The following SCMH1 variants were observed in gnomAD, a reference collection of about 807,000 sequenced individuals.
SCMH1 encodes Scm polycomb group protein homolog 1.
Under a neutral mutation model 70.8 loss-of-function variants are expected in SCMH1, and 37 were observed. The ratio of observed to expected loss-of-function variants is 0.52; its 90% CI spans 0.40 to 0.69. SCMH1 has a LOEUF of 0.69. SCMH1 is among the 30% of genes least tolerant of loss of function. SCMH1 has a pLI of 0.00. For missense variants in SCMH1, 607 were observed against 827.3 expected (o/e 0.73, Z 3.27); for synonymous variants, 292 against 307.4 (o/e 0.95, Z 0.52).
At chr1:41,169,903 G>A (rs1418689267) in intron 2 of SCMH1, among the ~76,000 whole-genome samples, 1 of 151,938 alleles carries the variant, frequency 6.6e-6, no homozygotes, top group African/African-American at 2.4e-5. Flanking sequence ...TAGACCCTCG[G>A]TGGAAGCTGT....
At chr1:41,047,967 G>T (rs777231808) in intron 11 of SCMH1, among the ~76,000 whole-genome samples, 5 of 152,262 alleles carry the variant, frequency 3.3e-5, no homozygotes, top group South Asian at 4.1e-4. Flanking sequence ...ATACAGTCTG[G>T]TTATTTATGG....
intron 1 of SCMH1, among the ~76,000 whole-genome samples, chr1:41,203,461 A>G (rs1654815214): frequency 1.3e-5 from 2 of 152,240 alleles, no homozygotes; most frequent in African/African-American, 4.8e-5. Flanking sequence ...TCTATTAAGT[A>G]CTTATTATGT....
intron 8 of SCMH1, among the ~76,000 whole-genome samples, chr1:41,084,234 A>G (rs1330327558): frequency 6.6e-6 from 1 of 152,218 alleles, no homozygotes; most frequent in Non-Finnish European, 1.5e-5. Context: ...TCATCTGACA[A>G]AGGGCTAATA....
intron 2 of SCMH1, among the ~76,000 whole-genome samples, chr1:41,167,304 T>C (rs1646472326): frequency 6.6e-6 from 1 of 152,142 alleles, no homozygotes; most frequent in Non-Finnish European, 1.5e-5. Flanking sequence ...CTTCTTACCA[T>C]TCAGATGAAG....
intron 2 of SCMH1, among the ~76,000 whole-genome samples, chr1:41,179,555 A>G (rs1318144651): frequency 2.6e-5 from 4 of 152,236 alleles, no homozygotes; most frequent in African/African-American, 9.6e-5. Flanking sequence ...CTGCAGAAAC[A>G]CAAACTACCA....
At chr1:41,036,353 C>T (rs948145041) in intron 13 of SCMH1, among the ~76,000 whole-genome samples, 1 of 152,352 alleles carries the variant, frequency 6.6e-6, no homozygotes, top group South Asian at 2.1e-4. Context: ...GATGGCACCA[C>T]CATCTATCTG....
At chr1:41,189,940 C>T (rs565587141) in intron 1 of SCMH1, among the ~76,000 whole-genome samples, 1 of 152,322 alleles carries the variant, frequency 6.6e-6, no homozygotes, top group Admixed American at 6.5e-5. Context: ...CTGGCTCATG[C>T]TTCTTGAACA....
chr1:41,184,318 A>G (rs1649602513), intron 2 of SCMH1, among the ~76,000 whole-genome samples: 1 of 152,192 alleles, frequency 6.6e-6, no homozygotes, highest in Non-Finnish European at 1.5e-5. Flanking sequence ...GTAGGGCTCA[A>G]TAAGTTAAAC....
chr1:41,221,935 A>G (rs1449422176), intron 1 of SCMH1, among the ~76,000 whole-genome samples: 1 of 147,664 alleles, frequency 6.8e-6, no homozygotes, highest in African/African-American at 2.5e-5. Flanking sequence ...TAGGAAACAA[A>G]GGACTGGAGA....
intron 1 of SCMH1, among the ~76,000 whole-genome samples, chr1:41,190,923 G>A (rs1181886315): frequency 6.6e-6 from 1 of 152,188 alleles, no homozygotes; most frequent in Non-Finnish European, 1.5e-5. Context: ...TGCTCAGGCT[G>A]GAGTACAGTG....
chr1:41,095,442 G>A (rs1664809283), intron 8 of SCMH1, among the ~76,000 whole-genome samples: 1 of 152,154 alleles, frequency 6.6e-6, no homozygotes, highest in African/African-American at 2.4e-5. Flanking sequence ...CCAAGTGACA[G>A]CACACGTATT....
chr1:41,161,339 C>T, intron 3 of SCMH1, 25 bp downstream of exon 3: 1 of 1,547,028 alleles, frequency 6.5e-7, no homozygotes. Context: ...TTTTTCCACA[C>T]CAAACGGAGT....
intron 6 of SCMH1, among the ~76,000 whole-genome samples, chr1:41,123,273 C>A (rs113683947): frequency 7.9e-5 from 12 of 152,304 alleles, no homozygotes; most frequent in Admixed American, 2.0e-4. Context: ...TAATCATAGT[C>A]CATGCCCTCT....
intron 2 of SCMH1, among the ~76,000 whole-genome samples, chr1:41,182,055 T>C (rs570142251): frequency 1.3e-5 from 2 of 152,300 alleles, no homozygotes; most frequent in South Asian, 2.1e-4. Flanking sequence ...TGTAGGGACA[T>C]GGATGAAGCT....
At chr1:41,102,724 T>C (rs1380130700) in intron 8 of SCMH1, among the ~76,000 whole-genome samples, 3 of 152,174 alleles carry the variant, frequency 2.0e-5, no homozygotes, top group African/African-American at 7.2e-5. Context: ...GGGCAGTAGG[T>C]AAGATGATTC....
intron 2 of SCMH1, among the ~76,000 whole-genome samples, chr1:41,164,089 T>C (rs1646252713): frequency 6.6e-6 from 1 of 152,146 alleles, no homozygotes; most frequent in Non-Finnish European, 1.5e-5. Context: ...TCAGACTCCA[T>C]GGTCCCTCAT....
chr1:41,240,184 A>T (rs1663228076), intron 1 of SCMH1, among the ~76,000 whole-genome samples: 1 of 152,368 alleles, frequency 6.6e-6, no homozygotes, highest in East Asian at 1.9e-4. Context: ...TGACCAATTT[A>T]AAAAATGAAG....
chr1:41,223,397 T>TA (rs1243092045), intron 1 of SCMH1, among the ~76,000 whole-genome samples: 4 of 152,232 alleles, frequency 2.6e-5, no homozygotes, highest in Non-Finnish European at 5.9e-5. Flanking sequence ...TGACAATAAA[T>TA]ATGTGGTACT....
chr1:41,223,136 G>A (rs1048031477), intron 1 of SCMH1, among the ~76,000 whole-genome samples: 1 of 152,150 alleles, frequency 6.6e-6, no homozygotes, highest in African/African-American at 2.4e-5. Context: ...AGAGATTACT[G>A]CATATTCTAT....
Sources: allele counts gnomAD v4.1 joint callset (sites outside exome capture counted in the v4.1 genomes callset), GRCh38; gene constraint gnomAD v4.1.1; transcripts MANE v1.5; gene names NCBI Gene and HGNC (gene_info 2026-07-23, HGNC 2026-07-21).